SDK2: variants seen among roughly 807,000 people sequenced by gnomAD.
SDK2 encodes the protein sidekick cell adhesion molecule 2, also known as protein sidekick-2.
In SDK2, 105 loss-of-function variants were observed where a neutral mutation model predicts 253.9. That is an observed-to-expected ratio of 0.41 (90% CI 0.35 to 0.49). SDK2 has a LOEUF of 0.49. Ranked by LOEUF, SDK2 falls within the 20% of genes least tolerant of loss-of-function variation. The pLI is 0.06. For missense variants in SDK2, 2,608 were observed against 3,003.0 expected, an observed-to-expected ratio of 0.87 and a Z score of 3.07; for synonymous variants, 1,249 against 1,234.9, an observed-to-expected ratio of 1.01 and a Z score of -0.24.
rs915244327 is a variant in SDK2 at position 73,639,932 on chromosome 17, G to A, written c.64+4093C>T. ...GACGGTCCTAGATGACTTTTCGTGT[G>A]TCTTTCAAGTCAAATGCAATGATTC... On this transcript the variant is annotated intron_variant, in intron 1 of 44. Coordinates refer to ENST00000392650, the MANE Select transcript of SDK2 (RefSeq NM_001144952.2). The surrounding 1 kb of genome is among the most constrained non-coding windows in gnomAD (Gnocchi z 4.3). 6.6e-6 allele frequency among the ~76,000 whole-genome samples: 1 copy of A among 152,112 alleles called. No homozygotes were observed. The highest frequency in any genetic ancestry group is 1.5e-5 in the Non-Finnish European group (1 of 68,024).
chr17:73,531,264 C>T (rs996267599), intron 1 of SDK2, among the ~76,000 whole-genome samples: 1 of 152,168 alleles, frequency 6.6e-6, no homozygotes, highest in African/African-American at 2.4e-5. Context: ...TTTAAAATAT[C>T]CACAGCTGAG....
chr17:73,423,907 T>C lies in SDK2; in HGVS notation c.1760+9A>G. The C allele has an allele frequency of 6.4e-7, 1 of 1,552,296 alleles. No homozygotes were observed. Among genetic ancestry groups the C allele is most frequent in the Non-Finnish European group, 8.7e-7 (1 of 1,145,664 alleles). Reference sequence around the variant, plus strand: ...CGCCTCTGCCGGGGTCTGGGAGGGCTGCCCTTACCTGACTCGCAGGTGGGC... The same window carrying C: ...CGCCTCTGCCGGGGTCTGGGAGGGCCGCCCTTACCTGACTCGCAGGTGGGC... On this transcript the variant is annotated intron_variant, in intron 13 of 44. Coordinates refer to ENST00000392650, the MANE Select transcript of SDK2 (RefSeq NM_001144952.2).
At chr17:73,427,961 C>T (rs1311634970) in intron 12 of SDK2, among the ~76,000 whole-genome samples, 1 of 152,164 alleles carries the variant, frequency 6.6e-6, no homozygotes, top group Admixed American at 6.5e-5. Flanking sequence ...TTTGATAAAG[C>T]ACTGCTATCC....
At chr17:73,576,004 A>G (rs2045454429) in intron 1 of SDK2, among the ~76,000 whole-genome samples, 1 of 152,226 alleles carries the variant, frequency 6.6e-6, no homozygotes, top group Non-Finnish European at 1.5e-5. Flanking sequence ...GACTTCAGCA[A>G]AAGACACGCC....
Position 73,380,986 on chromosome 17 carries a change from G to T in SDK2, c.4706-36C>A, listed in dbSNP as rs755918552. 4 of 1,306,666 alleles carry T rather than the reference G, an allele frequency of 3.1e-6. No homozygotes were observed. In the South Asian group the frequency reaches 5.1e-5, roughly 17 times the overall value. 80.9% of individuals were successfully genotyped at this position (1,306,666 alleles called of 1,614,324 possible). ...GGGGTGCCGGGGCGGGGGCGCAGAG[G>T]GAGACAGCAGACAGAGGAGGTTAGT... On this transcript the variant is annotated intron_variant, in intron 33 of 44. Coordinates refer to ENST00000392650, the MANE Select transcript of SDK2 (RefSeq NM_001144952.2).
chr17:73,394,216 C>T lies in SDK2; in HGVS notation c.3701G>A (p.Gly1234Asp), dbSNP rs2062951957. The T allele has an allele frequency of 1.3e-6, 2 of 1,569,330 alleles. No individual in the cohort carries two copies. Among genetic ancestry groups the T allele is most frequent in the African/African-American group, 1.4e-5 (1 of 74,052 alleles). ...TGGGATCCCGGGACTCACCTTATAG[C>T]CCAGCACGAGCCCGTTGCGATCAGC... ...PEADRNGLVLGYKVMYKEKDS... is the reference protein window; with the variant it reads ...PEADRNGLVLDYKVMYKEKDS... Residue 1234 changes from glycine (G) to aspartate (D), a missense_variant, in exon 26 of 45, where the codon GGC (glycine) becomes GAC (aspartate). Around this residue, in one of 2 missense-constraint regions of SDK2, gnomAD observed 1,505 missense variants for 1,859.1 expected, o/e 0.81. Transcript: ENST00000392650.
chr17:73,530,302 G>A (rs2064159210), intron 1 of SDK2, among the ~76,000 whole-genome samples: 1 of 152,186 alleles, frequency 6.6e-6, no homozygotes, highest in Admixed American at 6.5e-5. Flanking sequence ...AGAAGGCGAA[G>A]GGGAAGCAAG....
intron 2 of SDK2, among the ~76,000 whole-genome samples, chr17:73,499,626 T>C (rs780711474): frequency 2.0e-5 from 3 of 152,170 alleles, no homozygotes; most frequent in Non-Finnish European, 2.9e-5. Context: ...TGGGAAACCA[T>C]GTGTGCCTTT....
Position 73,553,670 on chromosome 17 carries a change from C to T in SDK2, c.65-46073G>A, listed in dbSNP as rs562902861. On this transcript the variant is annotated intron_variant, in intron 1 of 44. Coordinates refer to ENST00000392650, the MANE Select transcript of SDK2 (RefSeq NM_001144952.2). ...TGCAATCTCCTTCCTCGGGCCTACA[C>T]CTCCTGCAGGTGAATAGCACCACCC... Among the ~76,000 whole-genome samples, 5 of 152,240 alleles carry T rather than the reference C, an allele frequency of 3.3e-5. 1 individual carries two copies. In the South Asian group the frequency reaches 6.2e-4, roughly 19 times the overall value.
At chr17:73,590,864 T>C (rs2045671762) in intron 1 of SDK2, among the ~76,000 whole-genome samples, 1 of 152,226 alleles carries the variant, frequency 6.6e-6, no homozygotes, top group Non-Finnish European at 1.5e-5. Context: ...CACCGGACTG[T>C]AGGAAGGCGG....
At chr17:73,621,350 G>T (rs1700606319) in intron 1 of SDK2, among the ~76,000 whole-genome samples, 1 of 152,168 alleles carries the variant, frequency 6.6e-6, no homozygotes, top group African/African-American at 2.4e-5. Flanking sequence ...AAATGTAATA[G>T]AATCTAGATT....
chr17:73,560,392 A>C (rs185313331), intron 1 of SDK2, among the ~76,000 whole-genome samples: 6 of 152,200 alleles, frequency 3.9e-5, no homozygotes, highest in Admixed American at 2.6e-4. Context: ...CCCAGGCTGG[A>C]GTGTAGTGGT....
intron 40 of SDK2, among the ~76,000 whole-genome samples, chr17:73,353,790 G>A (rs1159191661): frequency 7.3e-6 from 1 of 136,318 alleles, no homozygotes; most frequent in African/African-American, 2.8e-5. Flanking sequence ...CACAACCTCC[G>A]CCTCCCAGGT....
chr17:73,567,507 A>G (rs1166015072), intron 1 of SDK2, among the ~76,000 whole-genome samples: 1 of 152,246 alleles, frequency 6.6e-6, no homozygotes, highest in Non-Finnish European at 1.5e-5. Flanking sequence ...AGCTGTGGAA[A>G]TGGGGCTACC....
chr17:73,365,421 G>A, intron 37 of SDK2, 26 bp from the exon 38 acceptor site: 1 of 1,579,134 alleles, frequency 6.3e-7, no homozygotes, highest in Non-Finnish European at 8.6e-7. Context: ...AAGGGTTTTT[G>A]TTTCCTTCTT....
In SDK2 at chr17:73,352,889, C is replaced by T. The variant is rs994722435; in HGVS notation, c.5594-252G>A. 2.0e-5 allele frequency among the ~76,000 whole-genome samples: 3 copies of T among 152,138 alleles called. No homozygotes were observed. The highest frequency in any genetic ancestry group is 1.3e-4 in the Admixed American group (2 of 15,276). On this transcript the variant is annotated intron_variant, in intron 40 of 44. Coordinates refer to ENST00000392650, the MANE Select transcript of SDK2 (RefSeq NM_001144952.2). This position sits in a 1 kb window ranked among gnomAD's most constrained non-coding sequence, Gnocchi z 4.1. Reference sequence around the variant, plus strand: ...GGTGGATCACCTGAGGTTAGGAGTTCGAGACCAGCCTAGCCAACATGGTGA... The same window carrying T: ...GGTGGATCACCTGAGGTTAGGAGTTTGAGACCAGCCTAGCCAACATGGTGA...
At chr17:73,555,461 T>C (rs190274243) in intron 1 of SDK2, among the ~76,000 whole-genome samples, 1 of 152,316 alleles carries the variant, frequency 6.6e-6, no homozygotes, top group African/African-American at 2.4e-5. Context: ...CTCTATGTAC[T>C]GAGGATGCTG....
chr17:73,346,229 A>G (rs542120616), intron 44 of SDK2, among the ~76,000 whole-genome samples: 2 of 152,140 alleles, frequency 1.3e-5, no homozygotes, highest in East Asian at 3.9e-4. Flanking sequence ...AAAAAAAAGA[A>G]AAAGAAAACA....
chr17:73,450,942 G>A (rs901101016), intron 4 of SDK2, among the ~76,000 whole-genome samples: 5 of 152,206 alleles, frequency 3.3e-5, no homozygotes, highest in Admixed American at 6.5e-5. Context: ...AGAGATGGCC[G>A]CTGCCCACCT....
Sources: gnomAD v4.1 joint callset for allele counts (sites outside exome capture counted in the v4.1 genomes callset) on GRCh38, gnomAD v4.1.1 for gene constraint, gnomAD v4.1.1 regional missense constraint, Gnocchi (gnomAD v3.1) non-coding constraint, MANE v1.5 for transcripts, NCBI Gene and HGNC (gene_info 2026-07-23, HGNC 2026-07-21) for gene names.